The following ARB2A variants were observed in gnomAD, a reference collection of about 807,000 sequenced individuals.
ARB2A encodes cotranscriptional regulator ARB2A.
chr5:93,882,847 T>C, the ARB2A span, among the ~76,000 whole-genome samples: 1 of 151,386 alleles, frequency 6.6e-6, no homozygotes, highest in African/African-American at 2.4e-5. Context: ...TAATAGAAAA[T>C]AAAACTTATA....
chr5:93,847,982 TTAA>T, the ARB2A span, among the ~76,000 whole-genome samples: 1 of 152,208 alleles, frequency 6.6e-6, no homozygotes, highest in Non-Finnish European at 1.5e-5. Flanking sequence ...GAAATGTTAT[TTAA>T]AACAGTCTGA....
At chr5:93,707,387 C>T in the ARB2A span, among the ~76,000 whole-genome samples, 1 of 152,064 alleles carries the variant, frequency 6.6e-6, no homozygotes, top group Admixed American at 6.5e-5. Context: ...CATAAAGCAT[C>T]TAGTTATGTA....
the ARB2A span, among the ~76,000 whole-genome samples, chr5:93,973,161 G>A: frequency 3.9e-5 from 4 of 103,512 alleles, no homozygotes; most frequent in Non-Finnish European, 7.6e-5. Context: ...ATGTTGGCCA[G>A]GCTGGTCTTG....
the ARB2A span, among the ~76,000 whole-genome samples, chr5:93,882,480 CT>C: frequency 1.9e-3 from 267 of 141,212 alleles, no homozygotes; most frequent in Admixed American, 1.9e-3. Flanking sequence ...GCTATTAAGG[CT>C]TTTTTTTTTT....
the ARB2A span, chr5:93,958,852 C>T: frequency 2.5e-6 from 4 of 1,607,510 alleles, no homozygotes; most frequent in Non-Finnish European, 2.6e-6. Context: ...TTCTAGCCCA[C>T]TGCCCTGCCC....
chr5:93,828,376 T>C, the ARB2A span, among the ~76,000 whole-genome samples: 2 of 152,220 alleles, frequency 1.3e-5, no homozygotes, highest in African/African-American at 4.8e-5. Context: ...AGTTCACTCA[T>C]GATTTGGCTC....
At chr5:93,957,010 C>G in the ARB2A span, among the ~76,000 whole-genome samples, 1 of 152,038 alleles carries the variant, frequency 6.6e-6, no homozygotes, top group African/African-American at 2.4e-5. Flanking sequence ...TTCAAGGAAT[C>G]ATGAATTGCC....
the ARB2A span, among the ~76,000 whole-genome samples, chr5:93,836,439 A>G: frequency 6.6e-6 from 1 of 152,224 alleles, no homozygotes; most frequent in African/African-American, 2.4e-5. Flanking sequence ...TTTATGCTTT[A>G]GCTTTAAAGC....
At chr5:93,769,037 A>G in the ARB2A span, among the ~76,000 whole-genome samples, 5 of 152,238 alleles carry the variant, frequency 3.3e-5, no homozygotes, top group South Asian at 2.1e-4. Context: ...TTTAAATTTT[A>G]TATCTGCTTT....
At chr5:94,034,569 A>G in the ARB2A span, among the ~76,000 whole-genome samples, 3 of 152,224 alleles carry the variant, frequency 2.0e-5, no homozygotes, top group Non-Finnish European at 4.4e-5. Context: ...GAGATTATGA[A>G]ACCATGACTT....
At chr5:93,694,585 A>C in the ARB2A span, among the ~76,000 whole-genome samples, 1 of 152,238 alleles carries the variant, frequency 6.6e-6, no homozygotes, top group Non-Finnish European at 1.5e-5. Flanking sequence ...GATAGGAAAA[A>C]TCAATATGGT....
the ARB2A span, among the ~76,000 whole-genome samples, chr5:94,093,537 C>T: frequency 6.6e-6 from 1 of 152,132 alleles, no homozygotes; most frequent in East Asian, 1.9e-4. Flanking sequence ...CTCATTTAAC[C>T]TTAATGACTT....
At chr5:93,651,162 G>T in the ARB2A span, among the ~76,000 whole-genome samples, 1 of 150,972 alleles carries the variant, frequency 6.6e-6, no homozygotes, top group African/African-American at 2.4e-5. Context: ...TTGAGACAGG[G>T]TCTCACTCTG....
the ARB2A span, among the ~76,000 whole-genome samples, chr5:93,956,546 T>C: frequency 6.6e-6 from 1 of 152,114 alleles, no homozygotes; most frequent in African/African-American, 2.4e-5. Context: ...TCAGTAGTGA[T>C]ATGAAAACCC....
the ARB2A span, among the ~76,000 whole-genome samples, chr5:93,895,332 A>G: frequency 6.6e-6 from 1 of 152,198 alleles, no homozygotes; most frequent in African/African-American, 2.4e-5. Context: ...ATAGAAGGGT[A>G]AAATAAGGAA....
At chr5:94,017,676 G>A in the ARB2A span, among the ~76,000 whole-genome samples, 12 of 152,288 alleles carry the variant, frequency 7.9e-5, no homozygotes, top group East Asian at 1.7e-3. Flanking sequence ...ATACCTGATG[G>A]ATAAAAAGAG....
At chr5:93,967,330 T>G in the ARB2A span, among the ~76,000 whole-genome samples, 12 of 152,082 alleles carry the variant, frequency 7.9e-5, no homozygotes, top group African/African-American at 2.7e-4. Context: ...ATATAGAGCT[T>G]GGAAGTAGGT....
At chr5:94,099,829 A>G in the ARB2A span, among the ~76,000 whole-genome samples, 17 of 152,132 alleles carry the variant, frequency 1.1e-4, no homozygotes, top group African/African-American at 3.6e-4. Flanking sequence ...CCCGCAGCCA[A>G]CATTACATGG....
chr5:93,860,860 A>G, the ARB2A span: 1 of 152,134 alleles, frequency 6.6e-6, no homozygotes. Flanking sequence ...GTTAGCCAGG[A>G]TGGTCTCGAT....
Sources: gnomAD v4.1 joint callset for allele counts (sites outside exome capture counted in the v4.1 genomes callset) on GRCh38, gnomAD v4.1.1 for gene constraint, MANE v1.5 for transcripts, NCBI Gene and HGNC (gene_info 2026-07-23, HGNC 2026-07-21) for gene names.